The following GATAD2B variants were observed in gnomAD, a reference collection of about 807,000 sequenced individuals.
The protein encoded by GATAD2B is transcriptional repressor p66-beta.
In GATAD2B, 8 loss-of-function variants were observed where a neutral mutation model predicts 64.3. The observed-to-expected ratio is 0.12, with a 90% CI of 0.07 to 0.22. The LOEUF (loss-of-function observed/expected upper bound fraction) is 0.22. Among genes scored for constraint, GATAD2B ranks in the 10% least tolerant of loss-of-function variants. The pLI is 1.00. For synonymous variants in GATAD2B, 281 were observed against 271.3 expected, an observed-to-expected ratio of 1.04 and a Z score of -0.35; for missense variants, 453 against 752.0, an observed-to-expected ratio of 0.60 and a Z score of 4.65.
chr1:153,887,165 GT>G (rs1285588403), intron 1 of GATAD2B, among the ~76,000 whole-genome samples: 4 of 152,138 alleles, frequency 2.6e-5, no homozygotes, highest in African/African-American at 7.2e-5. Flanking sequence ...AGCTCAACTG[GT>G]CAAAAGAAAA....
intron 1 of GATAD2B, among the ~76,000 whole-genome samples, chr1:153,836,699 G>C (rs1252076923): frequency 6.6e-6 from 1 of 152,060 alleles, no homozygotes; most frequent in Admixed American, 6.6e-5. Context: ...CACATAGCAA[G>C]ATATACACAT....
intron 1 of GATAD2B, among the ~76,000 whole-genome samples, chr1:153,901,403 C>A (rs1396635588): frequency 3.2e-4 from 48 of 151,906 alleles, no homozygotes; most frequent in Non-Finnish European, 1.5e-5. Context: ...GAATCAGGAA[C>A]TTTAATAACG....
intron 1 of GATAD2B, among the ~76,000 whole-genome samples, chr1:153,837,905 T>A (rs1289000510): frequency 6.6e-6 from 1 of 152,218 alleles, no homozygotes; most frequent in Non-Finnish European, 1.5e-5. Flanking sequence ...ATCCTAATAA[T>A]AACAAATACT....
intron 1 of GATAD2B, among the ~76,000 whole-genome samples, chr1:153,915,154 C>CGGT (rs1678225046): frequency 6.6e-6 from 1 of 152,104 alleles, no homozygotes; most frequent in African/African-American, 2.4e-5. Flanking sequence ...ACCCGGGAGG[C>CGGT]GGTGGCTCAC....
intron 1 of GATAD2B, chr1:153,853,469 T>C (rs1002481843): frequency 8.6e-6 from 4 of 464,446 alleles, no homozygotes; most frequent in Admixed American, 3.4e-5. Context: ...TTTTTTAATA[T>C]ACATATATTT....
chr1:153,907,891 G>A (rs993622210), intron 1 of GATAD2B, among the ~76,000 whole-genome samples: 24 of 152,068 alleles, frequency 1.6e-4, no homozygotes, highest in African/African-American at 3.6e-4. Flanking sequence ...TGCAACCTCC[G>A]CCTCCTGGGT....
At chr1:153,828,419 T>C in intron 1 of GATAD2B, 71 bp from the exon 2 acceptor site, 1 of 1,085,112 alleles carries the variant, frequency 9.2e-7, no homozygotes, top group Non-Finnish European at 1.3e-6. Context: ...AAAGGTGGAA[T>C]GGTGAAGTTA....
chr1:153,874,268 A>AG (rs1055922777), intron 1 of GATAD2B, among the ~76,000 whole-genome samples: 5 of 150,942 alleles, frequency 3.3e-5, no homozygotes, highest in African/African-American at 1.2e-4. Context: ...TCTCAAAAGA[A>AG]AAAAAAAAGA....
At chr1:153,906,164 C>T (rs1346067586) in intron 1 of GATAD2B, among the ~76,000 whole-genome samples, 2 of 151,280 alleles carry the variant, frequency 1.3e-5, no homozygotes, top group Non-Finnish European at 2.9e-5. Context: ...AGTCTCAGCA[C>T]TTGGAGAGCC....
chr1:153,877,335 C>A (rs553391310), intron 1 of GATAD2B, among the ~76,000 whole-genome samples: 1 of 148,556 alleles, frequency 6.7e-6, no homozygotes, highest in East Asian at 2.0e-4. Context: ...AGAGTGAGAC[C>A]CTGTCTCTAA....
At position 153,913,983 on chromosome 1, in the gene GATAD2B, G is replaced by A. The variant is rs1295527072; in HGVS notation, c.-2+8750C>T. Reference sequence around the variant, plus strand: ...CAAGGGGCCGAGCACAGTGGCTCACGCCTGTAATCCCATCACTCTGGGAGG... The same window carrying A: ...CAAGGGGCCGAGCACAGTGGCTCACACCTGTAATCCCATCACTCTGGGAGG... On this transcript the variant is annotated intron_variant, in intron 1 of 10. Coordinates refer to ENST00000368655, the MANE Select transcript of GATAD2B (RefSeq NM_020699.4). Among the ~76,000 whole-genome samples the A allele has an allele frequency of 3.4e-5, 5 of 147,520 alleles. 1 individual carries two copies. The highest frequency in any genetic ancestry group is 1.3e-4 in the Admixed American group (2 of 14,848).
intron 1 of GATAD2B, among the ~76,000 whole-genome samples, chr1:153,875,938 C>T (rs1676813260): frequency 6.6e-6 from 1 of 151,924 alleles, no homozygotes; most frequent in Admixed American, 6.6e-5. Context: ...CATACGATTT[C>T]ACAGTCCAGG....
At chr1:153,852,116 C>G in intron 1 of GATAD2B, 1 of 636,878 alleles carries the variant, frequency 1.6e-6, no homozygotes, top group Non-Finnish European at 2.8e-6. Context: ...GTTTTGTGCT[C>G]AGATCGCTGG....
intron 1 of GATAD2B, among the ~76,000 whole-genome samples, chr1:153,868,166 C>G (rs1213975659): frequency 1.3e-5 from 2 of 151,804 alleles, no homozygotes; most frequent in South Asian, 4.1e-4. Context: ...CGTGCCACTG[C>G]ACTCTAGACT....
chr1:153,893,956 A>T (rs1453039165), intron 1 of GATAD2B, among the ~76,000 whole-genome samples: 1 of 16,586 alleles, frequency 6.0e-5, no homozygotes, highest in African/African-American at 1.2e-4. Context: ...GACTCCATCT[A>T]AAAAAAAAAA....
At chr1:153,917,694 C>A (rs1481828640) in intron 1 of GATAD2B, among the ~76,000 whole-genome samples, 3 of 152,140 alleles carry the variant, frequency 2.0e-5, no homozygotes, top group African/African-American at 7.2e-5. Context: ...CAACCCCGGC[C>A]AACAAACATT....
intron 10 of GATAD2B, among the ~76,000 whole-genome samples, chr1:153,811,038 T>C (rs536625143): frequency 1.3e-5 from 2 of 152,314 alleles, no homozygotes; most frequent in East Asian, 3.9e-4. Flanking sequence ...GTGCTGGGAT[T>C]ATAGGCATGA....
intron 1 of GATAD2B, among the ~76,000 whole-genome samples, chr1:153,841,118 C>A: frequency 7.4e-6 from 1 of 135,916 alleles, no homozygotes; most frequent in East Asian, 2.1e-4. Flanking sequence ...GAGGAAGACT[C>A]CGTCTCAAAA....
At chr1:153,912,996 G>A (rs1022779619) in intron 1 of GATAD2B, among the ~76,000 whole-genome samples, 4 of 152,200 alleles carry the variant, frequency 2.6e-5, no homozygotes, top group African/African-American at 9.6e-5. Flanking sequence ...ACTGAGGCAG[G>A]AGAATTGCTT....
Sources: gnomAD v4.1 joint callset for allele counts (sites outside exome capture counted in the v4.1 genomes callset) on GRCh38, gnomAD v4.1.1 for gene constraint, MANE v1.5 for transcripts, NCBI Gene and HGNC (gene_info 2026-07-23, HGNC 2026-07-21) for gene names.